CECR2: variants seen among roughly 807,000 people sequenced by gnomAD.
CECR2 encodes chromatin remodeling regulator CECR2.
Under a neutral mutation model 154.5 loss-of-function variants are expected in CECR2, and 30 were observed. The ratio of observed to expected loss-of-function variants is 0.19; its 90% CI spans 0.15 to 0.26. The LOEUF (loss-of-function observed/expected upper bound fraction) is 0.26. CECR2 is among the 10% of genes least tolerant of loss of function. CECR2 has a pLI of 1.00. For missense variants in CECR2, 1,743 were observed against 1,829.3 expected, an observed-to-expected ratio of 0.95 and a Z score of 0.86; for synonymous variants, 725 against 683.7, an observed-to-expected ratio of 1.06 and a Z score of -0.94.
chr22:17,531,420 C>T (rs915570935), intron 9 of CECR2, among the ~76,000 whole-genome samples: 6 of 152,202 alleles, frequency 3.9e-5, no homozygotes, highest in Admixed American at 2.0e-4. Context: ...GCGTGCCTCC[C>T]GTGGTCCCTC....
chr22:17,455,467 G>T (rs141374348), intron 1 of CECR2, among the ~76,000 whole-genome samples: 2 of 152,050 alleles, frequency 1.3e-5, no homozygotes, highest in Non-Finnish European at 2.9e-5. Flanking sequence ...CATATTGATC[G>T]TTCATCTTTT....
At chr22:17,362,655 G>A (rs1005248418) in intron 1 of CECR2, among the ~76,000 whole-genome samples, 5 of 151,904 alleles carry the variant, frequency 3.3e-5, no homozygotes, top group East Asian at 3.9e-4. Context: ...TGTAATCCCA[G>A]TACTTTGGGA....
At chr22:17,547,996 G>A (rs571027565) in intron 16 of CECR2, among the ~76,000 whole-genome samples, 152 bp from the exon 17 acceptor site, 1 of 152,278 alleles carries the variant, frequency 6.6e-6, no homozygotes, top group South Asian at 2.1e-4. Context: ...GGACCCCAAT[G>A]TCCTGCCCTC....
At chr22:17,507,268 C>G (rs1438036324) in intron 7 of CECR2, among the ~76,000 whole-genome samples, 1 of 152,202 alleles carries the variant, frequency 6.6e-6, no homozygotes, top group Non-Finnish European at 1.5e-5. Flanking sequence ...TGCTTCAAGA[C>G]TTCCGCCGTC....
chr22:17,406,870 T>A (rs1250718873), intron 1 of CECR2, among the ~76,000 whole-genome samples: 1 of 152,180 alleles, frequency 6.6e-6, no homozygotes, highest in Non-Finnish European at 1.5e-5. Flanking sequence ...ACTAATTAAA[T>A]TAACCCTTTA....
chr22:17,488,792 C>T (rs2146838344), intron 2 of CECR2, among the ~76,000 whole-genome samples: 1 of 152,236 alleles, frequency 6.6e-6, no homozygotes, highest in East Asian at 1.9e-4. Flanking sequence ...TGCTTGTGTG[C>T]ACTTAATTTC....
At chr22:17,394,189 TGCC>T (rs2053773083) in intron 1 of CECR2, among the ~76,000 whole-genome samples, 1 of 139,768 alleles carries the variant, frequency 7.2e-6, no homozygotes, top group Non-Finnish European at 1.6e-5. Flanking sequence ...GCCCAGCTGC[TGCC>T]GCTGCTTTTT....
intron 1 of CECR2, among the ~76,000 whole-genome samples, chr22:17,433,760 G>C (rs1398276426): frequency 6.6e-6 from 1 of 152,154 alleles, no homozygotes; most frequent in Non-Finnish European, 1.5e-5. Context: ...TATCTTCACA[G>C]TGTTACTGTG....
intron 2 of CECR2, among the ~76,000 whole-genome samples, chr22:17,492,067 C>A (rs1430870617): frequency 6.6e-6 from 1 of 152,172 alleles, no homozygotes; most frequent in Non-Finnish European, 1.5e-5. Flanking sequence ...CATACAGAAT[C>A]TTTTACTTGT....
rs560202393 is a variant in CECR2, at chr22:17,465,204, G to A, written c.127-12384G>A. Among the ~76,000 whole-genome samples the A allele has an allele frequency of 2.6e-5, 4 of 152,124 alleles. No homozygotes were observed. The South Asian group carries it at 8.3e-4, about 32-fold the overall frequency. ...GTAAAGACGGGGTTTCACCGTGTTA[G>A]CCAGGATGGTCTTGATCTCCTGACC... On this transcript the variant is annotated intron_variant, in intron 1 of 18. Coordinates refer to ENST00000262608, the MANE Select transcript of CECR2 (RefSeq NM_001290047.2).
At position 17,538,965 on chromosome 22, in the gene CECR2, A is replaced by G. The variant is rs375202734; in HGVS notation, c.1369-28A>G. 1.4e-4 allele frequency: 232 copies of G among 1,604,924 alleles called. 2 individuals carry two copies. In the African/African-American group the frequency reaches 2.7e-3, roughly 19 times the overall value. ...GAATGTTTGCTCTCAGCATATTTTA[A>G]CTATAAAGAGTTATGTGTCTCGTTT... On this transcript the variant is annotated intron_variant, in intron 12 of 18. Transcript: ENST00000262608.
chr22:17,545,672 G>C (rs888510934), intron 16 of CECR2, among the ~76,000 whole-genome samples: 1 of 151,544 alleles, frequency 6.6e-6, no homozygotes, highest in Non-Finnish European at 1.5e-5. Flanking sequence ...GTGAAACTCT[G>C]TCTCTACTAA....
intron 1 of CECR2, among the ~76,000 whole-genome samples, chr22:17,471,118 A>T (rs1476359862): frequency 6.6e-6 from 1 of 152,184 alleles, no homozygotes; most frequent in Non-Finnish European, 1.5e-5. Context: ...ACAGCAATAC[A>T]AAGTCAAAGT....
intron 1 of CECR2, among the ~76,000 whole-genome samples, chr22:17,378,545 C>T (rs2146461660): frequency 6.6e-6 from 1 of 152,314 alleles, no homozygotes; most frequent in East Asian, 1.9e-4. Flanking sequence ...CTCGGCCTCC[C>T]AAAGTGTTGG....
At chr22:17,426,427 G>C (rs953727986) in intron 1 of CECR2, among the ~76,000 whole-genome samples, 3 of 152,022 alleles carry the variant, frequency 2.0e-5, no homozygotes, top group African/African-American at 7.3e-5. Context: ...CGCGATTTCA[G>C]CTCACTGCAA....
intron 1 of CECR2, among the ~76,000 whole-genome samples, chr22:17,363,434 T>C (rs1302450859): frequency 6.6e-6 from 1 of 152,142 alleles, no homozygotes; most frequent in Non-Finnish European, 1.5e-5. Flanking sequence ...GGTCTCGAAC[T>C]CCTGACCTTA....
At chr22:17,513,064 C>T (rs2055988027) in intron 8 of CECR2, among the ~76,000 whole-genome samples, 1 of 152,134 alleles carries the variant, frequency 6.6e-6, no homozygotes, top group Admixed American at 6.6e-5. Flanking sequence ...AAGGAGCATT[C>T]TGGAGCTGAC....
At chr22:17,420,515 GCA>G (rs2054229913) in intron 1 of CECR2, among the ~76,000 whole-genome samples, 1 of 152,120 alleles carries the variant, frequency 6.6e-6, no homozygotes, top group Non-Finnish European at 1.5e-5. Context: ...TTTAAAACAT[GCA>G]CGCAACCCTA....
At chr22:17,524,844 A>AT in intron 9 of CECR2, 1 of 394,698 alleles carries the variant, frequency 2.5e-6, no homozygotes, top group Non-Finnish European at 5.0e-6. Flanking sequence ...TAATGTTTGT[A>AT]TTTTTAGAGA....
Sources: allele counts gnomAD v4.1 joint callset (sites outside exome capture counted in the v4.1 genomes callset), GRCh38; gene constraint gnomAD v4.1.1; transcripts MANE v1.5; gene names NCBI Gene and HGNC (gene_info 2026-07-23, HGNC 2026-07-21).